The following GPR4 variants were observed in gnomAD, a reference collection of about 807,000 sequenced individuals.
GPR4 encodes G protein-coupled receptor 4.
A neutral mutation model predicts 17.8 loss-of-function variants in GPR4; 11 were observed. The ratio of observed to expected loss-of-function variants is 0.62; its 90% CI spans 0.39 to 1.02. GPR4 has a LOEUF of 1.02. Ranked by LOEUF, GPR4 falls within the 50% of genes least tolerant of loss-of-function variation. GPR4 has a pLI of 0.00. For synonymous variants in GPR4, 219 were observed against 222.8 expected, an observed-to-expected ratio of 0.98 and a Z score of 0.15; for missense variants, 364 against 495.4, an observed-to-expected ratio of 0.73 and a Z score of 2.52.
intron 1 of GPR4, among the ~76,000 whole-genome samples, chr19:45,598,486 G>A (rs916001055): frequency 8.6e-5 from 13 of 151,984 alleles, no homozygotes; most frequent in African/African-American, 3.1e-4. Context: ...GGGGGAACCG[G>A]TCCAGCTCTC....
intron 1 of GPR4, among the ~76,000 whole-genome samples, chr19:45,601,515 C>T (rs1970111931): frequency 6.6e-6 from 1 of 152,016 alleles, no homozygotes. Context: ...AGCCTCCTGC[C>T]CCCTACCCCA....
At chr19:45,597,084 T>C (rs1486001648) in intron 1 of GPR4, among the ~76,000 whole-genome samples, 2 of 151,998 alleles carry the variant, frequency 1.3e-5, no homozygotes, top group African/African-American at 4.8e-5. Context: ...TTTTTTTTTT[T>C]TGGAGACAGA....
Position 45,591,186 on chromosome 19 carries a change from G to A in GPR4, c.681C>T (p.Leu227=), listed in dbSNP as rs745816716. The A allele has an allele frequency of 2.5e-6, 4 of 1,613,430 alleles. No individual in the cohort carries two copies. The African/African-American group carries it at 5.3e-5, about 22-fold the overall frequency. The part of the protein sequence containing the change: ...QEKAKIKRLA[L]SLIAIVLVCF... The stretch of plus-strand genomic sequence containing the variant: ...AGACCAGCACGATGGCGATGAGGCT[G>A]AGGGCCAGCCGCTTGATCTTGGCCT... The change falls in exon 2 of 2, where the codon CTC becomes CTT. Residue 227 remains leucine (L), a synonymous_variant. Transcript: ENST00000323040. This position sits in a 1 kb window ranked among gnomAD's most constrained non-coding sequence, Gnocchi z 7.6.
chr19:45,595,639 G>A (rs564106114), intron 1 of GPR4, among the ~76,000 whole-genome samples: 8 of 152,198 alleles, frequency 5.3e-5, no homozygotes, highest in African/African-American at 1.4e-4. Context: ...CATCAACCCC[G>A]CAGAGAAGCA....
At chr19:45,600,400 C>T (rs576430784) in intron 1 of GPR4, among the ~76,000 whole-genome samples, 310 of 152,230 alleles carry the variant, frequency 2.0e-3, no homozygotes, top group African/African-American at 7.1e-3. Flanking sequence ...CCTCTCTTCC[C>T]GAAACTCCAC....
Position 45,591,106 on chromosome 19 carries a change from C to T in GPR4, c.761G>A (p.Arg254His), listed in dbSNP as rs775235668. Residue 254 changes from arginine to histidine, a missense_variant, in exon 2 of 2, where the codon CGC (arginine) becomes CAC (histidine). Coordinates refer to ENST00000323040, the MANE Select transcript of GPR4 (RefSeq NM_005282.3). This position sits in a 1 kb window ranked among gnomAD's most constrained non-coding sequence, Gnocchi z 7.6. Reference sequence around the variant, plus strand: ...CTCCTCGAAGCCGCAGTCCCAGGGGCGGCCCAGGTAGATGGCGCTGCGGGA... The same window carrying T: ...CTCCTCGAAGCCGCAGTCCCAGGGGTGGCCCAGGTAGATGGCGCTGCGGGA... ...LLSRSAIYLG[R>H]PWDCGFEERV... 9 of 1,613,674 alleles carry T rather than the reference C, an allele frequency of 5.6e-6. No homozygotes were observed. The highest frequency in any genetic ancestry group is 4.5e-5 in the East Asian group (2 of 44,890).
Sources: gnomAD v4.1 joint callset for allele counts (sites outside exome capture counted in the v4.1 genomes callset) on GRCh38, gnomAD v4.1.1 for gene constraint, Gnocchi (gnomAD v3.1) non-coding constraint, MANE v1.5 for transcripts, NCBI Gene and HGNC (gene_info 2026-07-23, HGNC 2026-07-21) for gene names.